The following CNTNAP4 variants were observed in gnomAD, a reference collection of about 807,000 sequenced individuals.
CNTNAP4 encodes the protein contactin-associated protein-like 4.
A neutral mutation model predicts 148.4 loss-of-function variants in CNTNAP4; 98 were observed. The ratio of observed to expected loss-of-function variants is 0.66; its 90% CI spans 0.56 to 0.78. CNTNAP4 has a LOEUF of 0.78. Among genes scored for constraint, CNTNAP4 ranks in the 30% least tolerant of loss-of-function variants. CNTNAP4 has a pLI of 0.00. For synonymous variants in CNTNAP4, 730 were observed against 565.1 expected (o/e 1.29, Z -4.14); for missense variants, 1,935 against 1,565.6 (o/e 1.24, Z -3.98).
Position 76,350,115 on chromosome 16 carries a change from A to C in CNTNAP4, c.197-5203A>C, listed in dbSNP as rs547724683. Among the ~76,000 whole-genome samples, 349 of 152,276 alleles carry C rather than the reference A, an allele frequency of 2.3e-3. 1 individual carries two copies. The highest frequency in any genetic ancestry group is 8.2e-3 in the African/African-American group (342 of 41,562). ...TCAGCCAGCCAGGTAATTTATAATT[A>C]AATCACACAGAATAAATTATTTGAA... On this transcript the variant is annotated intron_variant, in intron 2 of 23. Coordinates refer to ENST00000611870, the MANE Select transcript of CNTNAP4 (RefSeq NM_033401.5).
intron 3 of CNTNAP4, among the ~76,000 whole-genome samples, chr16:76,424,403 G>T (rs1355994383): frequency 3.3e-5 from 5 of 152,074 alleles, no homozygotes; most frequent in African/African-American, 7.2e-5. Flanking sequence ...AGTATAAGAA[G>T]ATCTAAGATC....
chr16:76,404,252 A>G (rs1480657663), intron 3 of CNTNAP4, among the ~76,000 whole-genome samples: 1 of 152,198 alleles, frequency 6.6e-6, no homozygotes, highest in East Asian at 1.9e-4. Context: ...GTAAATGCAC[A>G]AAGAAAAAAA....
intron 3 of CNTNAP4, among the ~76,000 whole-genome samples, chr16:76,370,337 T>A (rs149941760): frequency 6.6e-6 from 1 of 152,160 alleles, no homozygotes; most frequent in East Asian, 1.9e-4. Context: ...TCTGCGCCAG[T>A]GCCCCATCAG....
chr16:76,345,925 T>C (rs1171726908), intron 2 of CNTNAP4, among the ~76,000 whole-genome samples: 1 of 152,192 alleles, frequency 6.6e-6, no homozygotes, highest in African/African-American at 2.4e-5. Context: ...ACATCACTAA[T>C]AATGTCCCTT....
In CNTNAP4 at chr16:76,494,913, G is replaced by C. The variant is rs942304617; in HGVS notation, c.2084G>C (p.Gly695Ala). Residue 695 changes from glycine (G) to alanine (A), a missense_variant, in exon 14 of 24, where the codon GGA becomes GCA. Transcript: ENST00000611870. ...ATTTTTCACGTTTTTCTTTCAGATG[G>C]AACCCCTCTGAGTTGGTGGGTAGGA... is the stretch of plus-strand genomic sequence containing the variant. Reference protein sequence around the residue: ...KKSRLVNKQDGTPLSWWVGRT... With the variant: ...KKSRLVNKQDATPLSWWVGRT... 1 of 1,612,358 alleles carries C rather than the reference G, an allele frequency of 6.2e-7. No homozygotes were observed. The highest frequency in any genetic ancestry group is 1.3e-5 in the African/African-American group (1 of 74,878).
chr16:76,406,309 T>C (rs1185205672), intron 3 of CNTNAP4, among the ~76,000 whole-genome samples: 2 of 152,068 alleles, frequency 1.3e-5, no homozygotes, highest in African/African-American at 2.4e-5. Flanking sequence ...AATGGATAAA[T>C]GTGTGTGTTC....
At chr16:76,380,544 G>A (rs1464141890) in intron 3 of CNTNAP4, among the ~76,000 whole-genome samples, 8 of 152,048 alleles carry the variant, frequency 5.3e-5, no homozygotes, top group Non-Finnish European at 8.8e-5. Context: ...AAATGCTTGT[G>A]ATTACTTGAA....
At chr16:76,487,599 T>C (rs1298038951) in intron 12 of CNTNAP4, among the ~76,000 whole-genome samples, 1 of 152,166 alleles carries the variant, frequency 6.6e-6, no homozygotes, top group Non-Finnish European at 1.5e-5. Context: ...AACCTGGCTT[T>C]TAAGGCACCT....
chr16:76,451,071 T>C (rs976032216), intron 7 of CNTNAP4, among the ~76,000 whole-genome samples: 2 of 152,170 alleles, frequency 1.3e-5, no homozygotes, highest in African/African-American at 4.8e-5. Flanking sequence ...CATCCAGCGA[T>C]GGGCCTGGGC....
chr16:76,542,004 T>C (rs1597114694), intron 21 of CNTNAP4, among the ~76,000 whole-genome samples: 1 of 152,220 alleles, frequency 6.6e-6, no homozygotes, highest in Non-Finnish European at 1.5e-5. Context: ...ATATAGCCAA[T>C]AACATATTTA....
chr16:76,397,819 A>G (rs1022194001), intron 3 of CNTNAP4, among the ~76,000 whole-genome samples: 2 of 105,828 alleles, frequency 1.9e-5, no homozygotes, highest in African/African-American at 7.6e-5. Context: ...GTGTGTGTGT[A>G]GAGCGAAGGA....
Position 76,521,017 on chromosome 16 carries a change from T to A in CNTNAP4, c.2366-123T>A. On this transcript the variant is annotated intron_variant, in intron 15 of 23. Coordinates refer to ENST00000611870, the MANE Select transcript of CNTNAP4 (RefSeq NM_033401.5). ...TAGTTGACAGAAAAAAAGAGCAGAT[T>A]TGTATAAATAACATTTTAAATAGCA... is the stretch of plus-strand genomic sequence containing the variant. The A allele has an allele frequency of 3.5e-6, 3 of 859,716 alleles. No homozygotes were observed. The Admixed American group carries it at 8.1e-5, about 23-fold the overall frequency. The allele number at this position is 859,716 out of a possible 1,614,324, so 53.3% of individuals were successfully genotyped here.
At chr16:76,459,879 A>C (rs903941207) in intron 8 of CNTNAP4, among the ~76,000 whole-genome samples, 2 of 152,180 alleles carry the variant, frequency 1.3e-5, no homozygotes, top group Non-Finnish European at 2.9e-5. Context: ...TAAGAGGAAA[A>C]GTCTATGCAT....
chr16:76,395,986 C>T (rs1257177443), intron 3 of CNTNAP4, among the ~76,000 whole-genome samples: 1 of 152,124 alleles, frequency 6.6e-6, no homozygotes, highest in African/African-American at 2.4e-5. Context: ...GCCTCAGCCT[C>T]CCAAAATGCG....
At chr16:76,543,846 T>C (rs2084571841) in intron 21 of CNTNAP4, among the ~76,000 whole-genome samples, 2 of 152,148 alleles carry the variant, frequency 1.3e-5, no homozygotes, top group South Asian at 4.1e-4. Flanking sequence ...CTCCCTGTAG[T>C]TCGTGGTCTT....
chr16:76,385,417 T>C (rs3851755), intron 3 of CNTNAP4, among the ~76,000 whole-genome samples: 63,090 of 151,988 alleles, frequency 0.42, 13,640 homozygotes, highest in Admixed American at 0.46. Context: ...AATTCAAACC[T>C]GAAAAATACA....
chr16:76,389,938 T>C (rs2016831266), intron 3 of CNTNAP4, among the ~76,000 whole-genome samples: 1 of 152,128 alleles, frequency 6.6e-6, no homozygotes, highest in Non-Finnish European at 1.5e-5. Flanking sequence ...GGAAGGCAAT[T>C]TCAAGAAATA....
At chr16:76,367,593 G>C (rs1361972464) in intron 3 of CNTNAP4, among the ~76,000 whole-genome samples, 1 of 152,122 alleles carries the variant, frequency 6.6e-6, no homozygotes, top group Admixed American at 6.5e-5. Context: ...GCTTCATTCA[G>C]CTACATATTT....
At chr16:76,419,638 C>A (rs1287259643) in intron 3 of CNTNAP4, among the ~76,000 whole-genome samples, 1 of 151,960 alleles carries the variant, frequency 6.6e-6, no homozygotes, top group Non-Finnish European at 1.5e-5. Flanking sequence ...TTTGGATGGT[C>A]CCGTCCCTCT....
Sources: gnomAD v4.1 joint callset for allele counts (sites outside exome capture counted in the v4.1 genomes callset) on GRCh38, gnomAD v4.1.1 for gene constraint, MANE v1.5 for transcripts, NCBI Gene and HGNC (gene_info 2026-07-23, HGNC 2026-07-21) for gene names.